Variants in ARHGAP26 observed in about 807,000 individuals in gnomAD.
ARHGAP26 encodes rho GTPase-activating protein 26.
In ARHGAP26, 38 loss-of-function variants were observed where a neutral mutation model predicts 104.8. The ratio of observed to expected loss-of-function variants is 0.36; its 90% confidence interval spans 0.28 to 0.48. The LOEUF (loss-of-function observed/expected upper bound fraction) is 0.48. ARHGAP26 is among the 20% of genes least tolerant of loss of function. ARHGAP26 has a pLI of 0.99. For synonymous variants in ARHGAP26, 341 were observed against 340.0 expected, an observed-to-expected ratio of 1.00 and a Z score of -0.03; for missense variants, 704 against 947.9, an observed-to-expected ratio of 0.74 and a Z score of 3.38.
chr5:143,140,582 C>A (rs893981807), intron 19 of ARHGAP26, among the ~76,000 whole-genome samples: 1 of 152,124 alleles, frequency 6.6e-6, no homozygotes, highest in African/African-American at 2.4e-5. Flanking sequence ...TTGTATCTTA[C>A]AACTGACTAA....
chr5:142,851,598 C>A (rs1337949006), intron 1 of ARHGAP26, among the ~76,000 whole-genome samples: 1 of 152,184 alleles, frequency 6.6e-6, no homozygotes, highest in Non-Finnish European at 1.5e-5. Flanking sequence ...TAACTCCCAA[C>A]TATTTATGGA....
rs553007064 is a variant in ARHGAP26, at chr5:143,228,498, A to G, written c.*6052A>G. 4 of 220,200 alleles carry G rather than the reference A, an allele frequency of 1.8e-5. No individual in the cohort carries two copies. The highest frequency in any genetic ancestry group is 3.7e-4 in the South Asian group (2 of 5,424). The allele number at this position is 220,200 out of a possible 1,614,324, so 13.6% of individuals were successfully genotyped here. ...ATTTTTTGTTAACTTACTTAAAGTC[A>G]TGTCGCAAGAAAGATCAAACCCATG... On this transcript the variant is annotated 3_prime_UTR_variant, in exon 23 of 23. Coordinates refer to ENST00000645722, the MANE Select transcript of ARHGAP26 (RefSeq NM_001135608.3).
chr5:142,918,787 C>G (rs781332590), intron 10 of ARHGAP26, among the ~76,000 whole-genome samples: 1 of 152,092 alleles, frequency 6.6e-6, no homozygotes, highest in African/African-American at 2.4e-5. Flanking sequence ...TTCCTAACAT[C>G]AAAAAGCTAA....
intron 11 of ARHGAP26, among the ~76,000 whole-genome samples, chr5:142,954,664 T>C (rs1768927073): frequency 6.6e-6 from 1 of 152,210 alleles, no homozygotes; most frequent in Admixed American, 6.5e-5. Context: ...TGGCACACAG[T>C]AGCATGCAGT....
At chr5:142,852,683 G>A (rs1751723149) in intron 1 of ARHGAP26, among the ~76,000 whole-genome samples, 1 of 152,208 alleles carries the variant, frequency 6.6e-6, no homozygotes, top group Non-Finnish European at 1.5e-5. Context: ...TTGGTCGAGT[G>A]TCTTGGAAGG....
chr5:143,085,727 G>A (rs1790501020), intron 17 of ARHGAP26, among the ~76,000 whole-genome samples: 1 of 152,158 alleles, frequency 6.6e-6, no homozygotes, highest in African/African-American at 2.4e-5. Flanking sequence ...TTATCCATCT[G>A]GTTGGATTTG....
At position 143,130,896 on chromosome 5, in the gene ARHGAP26, A is replaced by G. The variant is rs116360586; in HGVS notation, c.1699-3071A>G. Among the ~76,000 whole-genome samples the G allele has an allele frequency of 3.2e-3, 480 of 152,350 alleles. 2 individuals are homozygous for G. Among genetic ancestry groups the G allele is most frequent in the Admixed American group, 4.5e-3 (69 of 15,300 alleles). On this transcript the variant is annotated intron_variant, in intron 18 of 22. Coordinates refer to ENST00000645722, the MANE Select transcript of ARHGAP26 (RefSeq NM_001135608.3). ...GTACCTTGGAAGAATGTGTAATAGTAATTATGATAATCACATGTCTGGCAC... is the reference window on the plus strand; with the variant it reads ...GTACCTTGGAAGAATGTGTAATAGTGATTATGATAATCACATGTCTGGCAC...
intron 11 of ARHGAP26, among the ~76,000 whole-genome samples, chr5:142,967,008 G>T (rs1771477850): frequency 6.6e-6 from 1 of 152,048 alleles, no homozygotes; most frequent in Admixed American, 6.5e-5. Flanking sequence ...AGTGCATATT[G>T]TACATATGTA....
At chr5:143,113,927 G>A (rs1795090279) in intron 17 of ARHGAP26, among the ~76,000 whole-genome samples, 1 of 152,098 alleles carries the variant, frequency 6.6e-6, no homozygotes, top group South Asian at 2.1e-4. Context: ...AGAGAGCTGG[G>A]GTTGGGAGTA....
intron 6 of ARHGAP26, among the ~76,000 whole-genome samples, chr5:142,895,227 C>G (rs1049988154): frequency 6.6e-6 from 1 of 152,032 alleles, no homozygotes; most frequent in Non-Finnish European, 1.5e-5. Flanking sequence ...GGATAATTTT[C>G]TTTTTTCTTT....
chr5:143,073,679 A>G (rs985002203), intron 17 of ARHGAP26, among the ~76,000 whole-genome samples: 1 of 152,222 alleles, frequency 6.6e-6, no homozygotes, highest in African/African-American at 2.4e-5. Context: ...TTACTTTTGT[A>G]TTTAAAAAGT....
chr5:143,093,610 A>G (rs2108843), intron 17 of ARHGAP26, among the ~76,000 whole-genome samples: 147,145 of 151,860 alleles, frequency 0.97, 71,312 homozygotes, highest in East Asian at 0.99. Context: ...CTTTGACTCC[A>G]TCTTTGTCTC....
chr5:142,770,974 C>T (rs1446408600), intron 1 of ARHGAP26, 59 bp downstream of exon 1: 3 of 1,527,818 alleles, frequency 2.0e-6, no homozygotes, highest in African/African-American at 1.4e-5. Flanking sequence ...TGGGAGGTGG[C>T]GCTTAGCCCG....
chr5:143,012,577 T>TATATA lies in ARHGAP26; in HGVS notation c.1108-1501_1108-1500insATAAT, dbSNP rs1554195775. On this transcript the variant is annotated intron_variant, in intron 11 of 22. Transcript: ENST00000645722. ...CATATATATATATATATATATATAT[T>TATATA]ATGATCAGGTTCACCTTATGCCTTT... is the stretch of plus-strand genomic sequence containing the variant. 2.7e-3 allele frequency among the ~76,000 whole-genome samples: 51 copies of TATATA among 19,094 alleles called. 4 individuals carry two copies. The highest frequency in any genetic ancestry group is 4.9e-3 in the African/African-American group (46 of 9,380). 12.5% of individuals were successfully genotyped at this position (19,094 alleles called of 152,430 possible).
chr5:143,097,853 C>G (rs764720678), intron 17 of ARHGAP26, among the ~76,000 whole-genome samples: 1 of 151,154 alleles, frequency 6.6e-6, no homozygotes, highest in Non-Finnish European at 1.5e-5. Flanking sequence ...TTACCCCACG[C>G]AACCTACTGA....
chr5:143,224,222 CT>C lies in ARHGAP26; in HGVS notation c.*1777del, dbSNP rs1319769171. 2 of 230,830 alleles carry C rather than the reference CT, an allele frequency of 8.7e-6. No homozygotes were observed. Among genetic ancestry groups the C allele is most frequent in the African/African-American group, 4.4e-5 (2 of 45,044 alleles). The allele number at this position is 230,830 out of a possible 1,614,324, so 14.3% of individuals were successfully genotyped here. A position where few individuals can be genotyped will look rare whatever the true frequency, so the allele number is the denominator to read the frequency against. ...TGCTCACACACTTAGGCTTTGATTG[CT>C]GAAGAAGTATGTTTAAGAGGGAGAG... On this transcript the variant is annotated 3_prime_UTR_variant, in exon 23 of 23. Coordinates refer to ENST00000645722, the MANE Select transcript of ARHGAP26 (RefSeq NM_001135608.3).
intron 11 of ARHGAP26, among the ~76,000 whole-genome samples, chr5:142,943,846 C>G (rs1023692292): frequency 3.3e-5 from 5 of 152,056 alleles, no homozygotes; most frequent in African/African-American, 1.2e-4. Context: ...ATTACATGTA[C>G]TTCTTTAATC....
At chr5:143,169,852 A>T (rs1802529268) in intron 20 of ARHGAP26, 1 of 152,200 alleles carries the variant, frequency 6.6e-6, no homozygotes, top group Admixed American at 6.5e-5. Flanking sequence ...CCAAATTTGT[A>T]CTGCTTTCTT....
chr5:142,882,004 C>T (rs553745274), intron 4 of ARHGAP26, among the ~76,000 whole-genome samples: 1 of 152,292 alleles, frequency 6.6e-6, no homozygotes, highest in South Asian at 2.1e-4. Context: ...ACCCCTGGTG[C>T]TTGACATAAC....
Sources: allele counts gnomAD v4.1 joint callset (sites outside exome capture counted in the v4.1 genomes callset), GRCh38; gene constraint gnomAD v4.1.1; transcripts MANE v1.5; gene names NCBI Gene and HGNC (gene_info 2026-07-23, HGNC 2026-07-21).